Variants in ARHGAP44 observed in about 807,000 individuals in gnomAD.
ARHGAP44 encodes the protein rho GTPase-activating protein 44.
Under a neutral mutation model 106.8 loss-of-function variants are expected in ARHGAP44, and 43 were observed. The ratio of observed to expected loss-of-function variants is 0.40; its 90% CI spans 0.32 to 0.52. The LOEUF (loss-of-function observed/expected upper bound fraction) is 0.52. Ranked by LOEUF, ARHGAP44 falls within the 20% of genes least tolerant of loss-of-function variation. The pLI is 0.48. For synonymous variants in ARHGAP44, 439 were observed against 410.3 expected (o/e 1.07, Z -0.85); for missense variants, 866 against 1,050.5 (o/e 0.82, Z 2.43).
At chr17:12,979,553 G>C (rs1306694790) in intron 18 of ARHGAP44, among the ~76,000 whole-genome samples, 2 of 152,276 alleles carry the variant, frequency 1.3e-5, no homozygotes, top group East Asian at 1.9e-4. Flanking sequence ...CCTCCTGCCT[G>C]GGGGGTGGCT....
chr17:12,877,143 C>A (rs1433041757), intron 1 of ARHGAP44, among the ~76,000 whole-genome samples: 1 of 152,144 alleles, frequency 6.6e-6, no homozygotes, highest in Non-Finnish European at 1.5e-5. Flanking sequence ...GCAGCAAATG[C>A]AGCAGGAAAA....
At chr17:12,934,843 C>A (rs545417586) in intron 7 of ARHGAP44, among the ~76,000 whole-genome samples, 14 of 152,274 alleles carry the variant, frequency 9.2e-5, no homozygotes, top group Middle Eastern at 3.4e-3. Context: ...TAAACCTGGG[C>A]TGGGACCTTC....
rs188515300 is a variant in ARHGAP44, at chr17:12,968,371, C to T, written c.1524-4931C>T. ...GACGGTTGCAGGAGGCTCCCCAGGA[C>T]GTGGAAAACCCTGTGTAAGCAGGAA... is the stretch of plus-strand genomic sequence containing the variant. On this transcript the variant is annotated intron_variant, in intron 16 of 20. Coordinates refer to ENST00000379672, the MANE Select transcript of ARHGAP44 (RefSeq NM_014859.6). Among the ~76,000 whole-genome samples the T allele has an allele frequency of 1.5e-3, 233 of 152,314 alleles. 1 individual carries two copies. Among genetic ancestry groups the T allele is most frequent in the Admixed American group, 3.1e-3 (47 of 15,304 alleles).
intron 1 of ARHGAP44, among the ~76,000 whole-genome samples, chr17:12,800,759 T>C (rs540870219): frequency 6.6e-6 from 1 of 152,220 alleles, no homozygotes; most frequent in Admixed American, 6.5e-5. Flanking sequence ...GATGGGGAAA[T>C]AGAGGCTAAA....
chr17:12,927,460 C>A (rs972278482), intron 6 of ARHGAP44, among the ~76,000 whole-genome samples: 2 of 152,198 alleles, frequency 1.3e-5, no homozygotes, highest in Admixed American at 1.3e-4. Flanking sequence ...ATTCTACTTT[C>A]TGTCCTCGCA....
intron 1 of ARHGAP44, among the ~76,000 whole-genome samples, chr17:12,831,864 G>T (rs1157086107): frequency 6.6e-6 from 1 of 152,176 alleles, no homozygotes; most frequent in Non-Finnish European, 1.5e-5. Flanking sequence ...CATGTTAACA[G>T]GAGGTAGAGT....
At chr17:12,932,578 C>T (rs1384144433) in intron 7 of ARHGAP44, among the ~76,000 whole-genome samples, 2 of 152,120 alleles carry the variant, frequency 1.3e-5, no homozygotes, top group African/African-American at 2.4e-5. Flanking sequence ...ATCTTCTACA[C>T]AAAAGTTAAA....
In ARHGAP44 at chr17:12,830,955, G is replaced by T. The variant is rs77856118; in HGVS notation, c.53+41064G>T. 3.5e-3 allele frequency among the ~76,000 whole-genome samples: 540 copies of T among 152,312 alleles called. 6 individuals are homozygous for T. Among genetic ancestry groups the T allele is most frequent in the African/African-American group, 0.012 (514 of 41,576 alleles). ...CAGAAGTGAAAATAAAGTTGACTTT[G>T]TCTGGGGACACGTCCCCTTCTGACT... On this transcript the variant is annotated intron_variant, in intron 1 of 20. Coordinates refer to ENST00000379672, the MANE Select transcript of ARHGAP44 (RefSeq NM_014859.6).
chr17:12,879,767 G>T (rs958276625), intron 1 of ARHGAP44, among the ~76,000 whole-genome samples: 4 of 150,692 alleles, frequency 2.7e-5, no homozygotes, highest in African/African-American at 9.8e-5. Context: ...AGGGGTTTGG[G>T]GCACTCATCC....
At position 12,949,696 on chromosome 17, in the gene ARHGAP44, T is replaced by G; in HGVS notation, c.1021T>G (p.Phe341Val). The change falls in exon 12 of 21, where the codon TTT (phenylalanine) becomes GTT (valine). Residue 341 changes from phenylalanine (F) to valine (V), a missense_variant. Around this residue, in one of 2 missense-constraint regions of ARHGAP44, gnomAD observed 448 missense variants for 646.9 expected, o/e 0.69. Coordinates refer to ENST00000379672, the MANE Select transcript of ARHGAP44 (RefSeq NM_014859.6). This position sits in a 1 kb window ranked among gnomAD's most constrained non-coding sequence, Gnocchi z 4.1. ...LRELPEPLMT[F>V]ELYDEWIQAS... is the part of the protein sequence containing the mutation. ...AGAGTTGCCAGAACCTCTTATGACCTTTGAACTCTATGATGAGTGGATCCA... is the reference window on the plus strand; with the variant it reads ...AGAGTTGCCAGAACCTCTTATGACCGTTGAACTCTATGATGAGTGGATCCA... 6.2e-7 allele frequency: 1 copy of G among 1,613,902 alleles called. No homozygotes were observed. Among genetic ancestry groups the G allele is most frequent in the Non-Finnish European group, 8.5e-7 (1 of 1,179,864 alleles).
chr17:12,984,983 G>A, intron 20 of ARHGAP44, 75 bp downstream of exon 20: 1 of 1,503,694 alleles, frequency 6.7e-7, no homozygotes, highest in Non-Finnish European at 8.9e-7. Context: ...GATTGCTAGT[G>A]TTACTGCCAG....
intron 13 of ARHGAP44, among the ~76,000 whole-genome samples, chr17:12,954,280 C>G (rs2039073602): frequency 6.6e-6 from 1 of 152,202 alleles, no homozygotes; most frequent in South Asian, 2.1e-4. Context: ...AGGTTCATAA[C>G]ACTGTGAATG....
rs768640983 is a variant in ARHGAP44 at position 12,944,106 on chromosome 17, G to A, written c.771G>A (p.Leu257=). The part of the protein sequence containing the change: ...WVEKPSFGKP[L]EEHLTISGRE... ...AGAAGCCTTCCTTCGGGAAGCCGCT[G>A]GAGGAGCACCTCACCATCAGCGGCC... is the stretch of plus-strand genomic sequence containing the variant. The change falls in exon 10 of 21, where the codon CTG becomes CTA. Residue 257 remains leucine (L), a synonymous_variant. Transcript: ENST00000379672. 1.9e-6 allele frequency: 3 copies of A among 1,612,736 alleles called. No homozygotes were observed. Among genetic ancestry groups the A allele is most frequent in the African/African-American group, 1.3e-5 (1 of 74,920 alleles).
intron 1 of ARHGAP44, among the ~76,000 whole-genome samples, chr17:12,824,061 C>T (rs895016459): frequency 6.6e-6 from 1 of 152,030 alleles, no homozygotes; most frequent in Non-Finnish European, 1.5e-5. Flanking sequence ...TGGGTTTCTT[C>T]TTGTTTCTCT....
intron 1 of ARHGAP44, among the ~76,000 whole-genome samples, chr17:12,877,430 G>T (rs932417180): frequency 1.3e-5 from 2 of 152,118 alleles, no homozygotes; most frequent in Admixed American, 6.5e-5. Context: ...ACCATTTTAA[G>T]ATCATCGTTG....
At chr17:12,842,710 C>G (rs749941485) in intron 1 of ARHGAP44, among the ~76,000 whole-genome samples, 4 of 152,088 alleles carry the variant, frequency 2.6e-5, no homozygotes, top group Non-Finnish European at 5.9e-5. Context: ...TTGACTAAAC[C>G]CCGACTGTGT....
chr17:12,896,597 G>A lies in ARHGAP44; in HGVS notation c.198+86G>A. 2.6e-6 allele frequency: 3 copies of A among 1,173,524 alleles called. No individual in the cohort carries two copies. In the South Asian group the frequency reaches 4.1e-5, roughly 16 times the overall value. 72.7% of individuals were successfully genotyped at this position (1,173,524 alleles called of 1,614,324 possible). On this transcript the variant is annotated intron_variant, in intron 3 of 20. Transcript: ENST00000379672. Reference sequence around the variant, plus strand: ...TCCTGTGACACTCCTGGATGTAGCTGTTTATGTAGCTGCTTACGTGCCTGA... The same window carrying A: ...TCCTGTGACACTCCTGGATGTAGCTATTTATGTAGCTGCTTACGTGCCTGA...
intron 7 of ARHGAP44, among the ~76,000 whole-genome samples, chr17:12,935,714 C>T (rs1006485689): frequency 2.0e-5 from 3 of 151,958 alleles, no homozygotes; most frequent in Admixed American, 1.3e-4. Flanking sequence ...GGTATGGAAT[C>T]GATTTTAGTA....
intron 1 of ARHGAP44, among the ~76,000 whole-genome samples, chr17:12,822,662 C>T (rs2034804622): frequency 6.6e-6 from 1 of 152,168 alleles, no homozygotes; most frequent in South Asian, 2.1e-4. Flanking sequence ...GAGAGCTCAA[C>T]AGAAACAATT....
Sources: gnomAD v4.1 joint callset for allele counts (sites outside exome capture counted in the v4.1 genomes callset) on GRCh38, gnomAD v4.1.1 for gene constraint, gnomAD v4.1.1 regional missense constraint, Gnocchi (gnomAD v3.1) non-coding constraint, MANE v1.5 for transcripts, NCBI Gene and HGNC (gene_info 2026-07-23, HGNC 2026-07-21) for gene names.